Variants in DCP1B observed in about 807,000 individuals in gnomAD.
The protein encoded by DCP1B is decapping mRNA 1B.
In DCP1B, 47 loss-of-function variants were observed where a neutral mutation model predicts 60.5. That is an observed-to-expected ratio of 0.78 (90% CI 0.61 to 0.99). The LOEUF is 0.99. Among genes scored for constraint, DCP1B ranks in the 50% least tolerant of loss-of-function variants. DCP1B has a pLI of 0.00. For synonymous variants in DCP1B, 267 were observed against 280.3 expected (o/e 0.95, Z 0.47); for missense variants, 725 against 756.8 (o/e 0.96, Z 0.49).
chr12:2,000,482 A>T (rs1369563980), intron 1 of DCP1B, among the ~76,000 whole-genome samples: 1 of 151,958 alleles, frequency 6.6e-6, no homozygotes, highest in African/African-American at 2.4e-5. Context: ...AAAAAAAAAA[A>T]CCTTTAATGC....
At chr12:1,949,772 G>T (rs538603483) in intron 7 of DCP1B, among the ~76,000 whole-genome samples, 1 of 152,138 alleles carries the variant, frequency 6.6e-6, no homozygotes, top group Non-Finnish European at 1.5e-5. Flanking sequence ...GCAACTCCCC[G>T]CCCCTCCTGC....
chr12:1,945,511 G>A (rs180800311), downstream of DCP1B, among the ~76,000 whole-genome samples: 43 of 152,242 alleles, frequency 2.8e-4, no homozygotes, highest in African/African-American at 6.5e-4. Flanking sequence ...TTATTACTGG[G>A]TATATACCCA....
Position 1,952,787 on chromosome 12 carries a change from T to C in DCP1B, c.1153A>G (p.Ser385Gly). The change falls in exon 7 of 9, where the codon AGC becomes GGC. Residue 385 changes from serine to glycine, a missense_variant. Ser to Gly is a moderately conservative substitution (Grantham distance 56). Transcript: ENST00000280665. ...GGGGTGACAGAAGTGGGAGCTCTGC[T>C]GCGGTTCAGGGCAGCTGAGCTGGCA... ...APASSAALNRSRAPTSVTPVA... is the reference protein window; with the variant it reads ...APASSAALNRGRAPTSVTPVA... The C allele has an allele frequency of 2.5e-6, 4 of 1,614,182 alleles. No individual in the cohort carries two copies. The highest frequency in any genetic ancestry group is 3.4e-6 in the Non-Finnish European group (4 of 1,180,026).
At chr12:1,950,926 C>T (rs1003819134) in intron 7 of DCP1B, among the ~76,000 whole-genome samples, 2 of 152,190 alleles carry the variant, frequency 1.3e-5, no homozygotes, top group African/African-American at 4.8e-5. Flanking sequence ...GGATTACAGG[C>T]ACGAGTCACC....
intron 3 of DCP1B, among the ~76,000 whole-genome samples, chr12:1,977,338 C>T (rs149769791): frequency 5.5e-3 from 839 of 152,240 alleles, no homozygotes; most frequent in Non-Finnish European, 9.0e-3. Flanking sequence ...TGTCATTCTC[C>T]GTCTCTACCA....
intron 5 of DCP1B, among the ~76,000 whole-genome samples, chr12:1,958,339 A>G: frequency 6.9e-6 from 1 of 144,902 alleles, no homozygotes; most frequent in East Asian, 2.1e-4. Flanking sequence ...CGCTCTGGGC[A>G]ATGGCTTCTT....
At chr12:1,957,542 A>G (rs2030928610) in intron 5 of DCP1B, among the ~76,000 whole-genome samples, 1 of 152,340 alleles carries the variant, frequency 6.6e-6, no homozygotes, top group African/African-American at 2.4e-5. Context: ...AAAAGAGCCA[A>G]TAATTCTTGT....
chr12:1,953,037 G>T lies in DCP1B; in HGVS notation c.903C>A (p.Ser301Arg). ...CPAIQKLMVR[S>R]ADLHPLSELP... ...GCTCTGACAATGGGTGGAGGTCTGCGCTCCTGACCATGAGTTTCTGAATGG... is the reference window on the plus strand; with the variant it reads ...GCTCTGACAATGGGTGGAGGTCTGCTCTCCTGACCATGAGTTTCTGAATGG... The change falls in exon 7 of 9, where the codon AGC (serine) becomes AGA (arginine). Residue 301 changes from serine (S) to arginine (R), a missense_variant. Ser to Arg is a moderately radical substitution (Grantham distance 110). Coordinates refer to ENST00000280665, the MANE Select transcript of DCP1B (RefSeq NM_152640.5). 6.2e-7 allele frequency: 1 copy of T among 1,614,132 alleles called. No homozygotes were observed. Among genetic ancestry groups the T allele is most frequent in the South Asian group, 1.1e-5 (1 of 91,074 alleles).
chr12:1,986,985 C>G (rs2037982475), intron 3 of DCP1B, among the ~76,000 whole-genome samples: 1 of 151,924 alleles, frequency 6.6e-6, no homozygotes, highest in Non-Finnish European at 1.5e-5. Context: ...ATAATGAAAG[C>G]CTGAACTGGA....
intron 1 of DCP1B, among the ~76,000 whole-genome samples, chr12:1,998,838 A>T (rs994258981): frequency 1.3e-5 from 2 of 152,248 alleles, no homozygotes; most frequent in Non-Finnish European, 2.9e-5. Flanking sequence ...TACATGGTTT[A>T]ATTTCAGCAT....
rs1419794041 is a variant in DCP1B at position 1,951,046 on chromosome 12, TG to T, written c.1524+1369del. 5.9e-5 allele frequency among the ~76,000 whole-genome samples: 9 copies of T among 152,000 alleles called. 1 individual carries two copies. The highest frequency in any genetic ancestry group is 5.9e-4 in the Admixed American group (9 of 15,246). ...CAGCACTCTGAGAGCCCGAGGTGGG[TG>T]GATCACCTGAGGTCAGAAGTTCGAG... is the stretch of plus-strand genomic sequence containing the variant. On this transcript the variant is annotated intron_variant, in intron 7 of 8. Coordinates refer to ENST00000280665, the MANE Select transcript of DCP1B (RefSeq NM_152640.5).
intron 3 of DCP1B, among the ~76,000 whole-genome samples, chr12:1,987,133 C>T (rs906695439): frequency 1.3e-5 from 2 of 152,206 alleles, no homozygotes; most frequent in Admixed American, 6.5e-5. Context: ...CCCAGCTTTA[C>T]AAACGATTTG....
At chr12:1,950,455 A>G (rs2154456472) in intron 7 of DCP1B, 1 of 698,760 alleles carries the variant, frequency 1.4e-6, no homozygotes, top group East Asian at 2.7e-5. Flanking sequence ...CTAAATCATC[A>G]AAGAGGAAAA....
chr12:1,950,036 C>G, intron 7 of DCP1B: 1 of 385,018 alleles, frequency 2.6e-6, no homozygotes, highest in Non-Finnish European at 4.7e-6. Context: ...CATTTTGATC[C>G]TTATCTGACT....
intron 3 of DCP1B, chr12:1,992,130 G>A (rs1302289379): frequency 1.5e-5 from 4 of 262,238 alleles, no homozygotes; most frequent in East Asian, 2.2e-4. Context: ...TGTACCTTTC[G>A]GCAAAGAAAC....
At chr12:1,951,447 T>A (rs73597521) in intron 7 of DCP1B, among the ~76,000 whole-genome samples, 5 of 152,008 alleles carry the variant, frequency 3.3e-5, no homozygotes, top group African/African-American at 1.2e-4. Flanking sequence ...CACAGGCAGA[T>A]GATCAATAGC....
chr12:1,945,326 G>T (rs1363764868), downstream of DCP1B, among the ~76,000 whole-genome samples: 1 of 152,212 alleles, frequency 6.6e-6, no homozygotes, highest in African/African-American at 2.4e-5. Context: ...TTACATTGTT[G>T]TTGGGAGTGT....
Position 1,949,165 on chromosome 12 carries a change from T to A in DCP1B, c.1694A>T (p.Gln565Leu). The change falls in exon 8 of 9, where the codon CAG (glutamine) becomes CTG (leucine). Residue 565 changes from glutamine (Q) to leucine (L), a missense_variant. Gln to Leu is a moderately radical substitution (Grantham distance 113, BLOSUM62 -2). Coordinates refer to ENST00000280665, the MANE Select transcript of DCP1B (RefSeq NM_152640.5). Reference protein sequence around the residue: ...AAATSLLLPIQSPEPSVITSS... With the variant: ...AAATSLLLPILSPEPSVITSS... ...GGTGATCACGGAGGGCTCCGGGCTC[T>A]GTATGGGCAGGAGGAGGCTGGTGGC... The A allele has an allele frequency of 6.2e-7, 1 of 1,614,132 alleles. No homozygotes were observed. Among genetic ancestry groups the A allele is most frequent in the Non-Finnish European group, 8.5e-7 (1 of 1,180,010 alleles).
chr12:1,952,072 T>C (rs913140859), intron 7 of DCP1B, among the ~76,000 whole-genome samples: 2 of 152,194 alleles, frequency 1.3e-5, no homozygotes, highest in Non-Finnish European at 2.9e-5. Flanking sequence ...TGCACGGAGG[T>C]GCACCCTGCT....
Sources: allele counts gnomAD v4.1 joint callset (sites outside exome capture counted in the v4.1 genomes callset), GRCh38; gene constraint gnomAD v4.1.1; transcripts MANE v1.5; gene names NCBI Gene and HGNC (gene_info 2026-07-23, HGNC 2026-07-21).